MARF1: variants seen among roughly 807,000 people sequenced by gnomAD.
MARF1 encodes the protein limkain-b1.
Under a neutral mutation model 168.2 loss-of-function variants are expected in MARF1, and 24 were observed. The observed-to-expected ratio is 0.14, with a 90% confidence interval of 0.10 to 0.20. The LOEUF is 0.20. Among genes scored for constraint, MARF1 ranks in the 10% least tolerant of loss-of-function variants. The pLI is 1.00. For missense variants in MARF1, 1,744 were observed against 2,143.6 expected, an observed-to-expected ratio of 0.81 and a Z score of 3.68; for synonymous variants, 868 against 822.4, an observed-to-expected ratio of 1.06 and a Z score of -0.95.
intron 26 of MARF1, 140 bp downstream of exon 26, chr16:15,598,714 A>G: frequency 1.2e-6 from 1 of 846,260 alleles, no homozygotes; most frequent in South Asian, 1.7e-5. Context: ...TGGGGAAAGA[A>G]GGTCGAATAA....
rs1352038749 is a variant in MARF1 at position 15,609,827 on chromosome 16, T to A, written c.3752-102A>T. 10 of 954,398 alleles carry A rather than the reference T, an allele frequency of 1.0e-5. No individual in the cohort carries two copies. The African/African-American group carries it at 1.3e-4, about 13-fold the overall frequency. The allele number at this position is 954,398 out of a possible 1,614,324, so 59.1% of individuals were successfully genotyped here. ...TCCTTTTGGGAATTTATAAACGATA[T>A]CATCCTTGCCTTCCAAACACACACA... On this transcript the variant is annotated intron_variant, in intron 19 of 26. Transcript: ENST00000396368.
rs2035456366 is a variant in MARF1, at chr16:15,634,506, T to C, written c.1006+251A>G. 3.9e-5 allele frequency among the ~76,000 whole-genome samples: 6 copies of C among 152,270 alleles called. No individual in the cohort carries two copies. The South Asian group carries it at 1.2e-3, about 32-fold the overall frequency. On this transcript the variant is annotated intron_variant, in intron 4 of 26. Transcript: ENST00000396368. ...TGACACCAAGTCTTTTCCAGCACTT[T>C]TATTTCTCCTGATATACTACCAATT...
intron 13 of MARF1, among the ~76,000 whole-genome samples, chr16:15,619,836 T>G (rs889036263): frequency 2.6e-5 from 4 of 152,146 alleles, no homozygotes; most frequent in Non-Finnish European, 4.4e-5. Context: ...TCCTGGAGCT[T>G]ATAGTCTAGT....
chr16:15,631,593 ATACTT>A (rs2035259611), intron 5 of MARF1, 95 bp from the exon 6 acceptor site: 5 of 768,618 alleles, frequency 6.5e-6, no homozygotes, highest in South Asian at 5.4e-5. Flanking sequence ...AAATTTTATT[ATACTT>A]TAAGTTCTGG....
rs2031503819 is a variant in MARF1 at position 15,594,601 on chromosome 16, T to C, written c.*2092A>G. ...AAACAGATAAATTTAATCCGGTATATCTTTCCACCCAGAAATAAAGAATTA... is the reference window on the plus strand; with the variant it reads ...AAACAGATAAATTTAATCCGGTATACCTTTCCACCCAGAAATAAAGAATTA... On this transcript the variant is annotated 3_prime_UTR_variant, in exon 27 of 27. Coordinates refer to ENST00000396368, the MANE Select transcript of MARF1 (RefSeq NM_014647.4). 1 of 152,628 alleles carries C rather than the reference T, an allele frequency of 6.6e-6. No individual in the cohort carries two copies. Among genetic ancestry groups the C allele is most frequent in the Non-Finnish European group, 1.5e-5 (1 of 68,040 alleles). The allele number at this position is 152,628 out of a possible 1,614,324, so 9.5% of individuals were successfully genotyped here. A position where few individuals can be genotyped will look rare whatever the true frequency, so the allele number is the denominator to read the frequency against.
chr16:15,599,103 G>A, intron 25 of MARF1, 79 bp from the exon 26 acceptor site: 1 of 1,006,602 alleles, frequency 9.9e-7, no homozygotes, highest in Non-Finnish European at 1.4e-6. Flanking sequence ...CACACCTGAA[G>A]TTTTCCTTCT....
chr16:15,624,225 T>C (rs1382564522), intron 10 of MARF1, among the ~76,000 whole-genome samples: 2 of 152,182 alleles, frequency 1.3e-5, no homozygotes, highest in African/African-American at 4.8e-5. Flanking sequence ...GGCTGATCCA[T>C]AGTCACTTTC....
At chr16:15,597,163 G>A (rs949763864) in intron 26 of MARF1, among the ~76,000 whole-genome samples, 2 of 152,164 alleles carry the variant, frequency 1.3e-5, no homozygotes, top group South Asian at 2.1e-4. Flanking sequence ...TACAAAGTTG[G>A]AAAGATCTCT....
chr16:15,616,112 T>A, intron 15 of MARF1, 107 bp from the exon 16 acceptor site: 1 of 907,782 alleles, frequency 1.1e-6, no homozygotes, highest in Non-Finnish European at 1.5e-6. Context: ...GTTAATCATT[T>A]GTCTGAATGC....
chr16:15,610,638 A>G (rs942606455), intron 19 of MARF1: 7 of 214,560 alleles, frequency 3.3e-5, no homozygotes, highest in African/African-American at 1.6e-4. Flanking sequence ...GTTCAACAGA[A>G]GAGCAAAGCC....
At position 15,617,397 on chromosome 16, in the gene MARF1, T is replaced by G. The variant is rs1272957088; in HGVS notation, c.2859A>C (p.Ser953=). The G allele has an allele frequency of 6.2e-7, 1 of 1,614,128 alleles. No homozygotes were observed. Among genetic ancestry groups the G allele is most frequent in the East Asian group, 2.2e-5 (1 of 44,868 alleles). Residue 953 remains serine, a synonymous_variant, in exon 14 of 27, where the codon TCA becomes TCC. Transcript: ENST00000396368. ...ARQSPLGSSQ[S]HDGSSTNCSP... ...TGCAATTCGTGGAGGAGCCGTCGTGTGACTGGGAAGACCCCAAGGGGCTCT... is the reference window on the plus strand; with the variant it reads ...TGCAATTCGTGGAGGAGCCGTCGTGGGACTGGGAAGACCCCAAGGGGCTCT...
At chr16:15,621,334 CT>C (rs1273143831) in intron 12 of MARF1, among the ~76,000 whole-genome samples, 3 of 152,190 alleles carry the variant, frequency 2.0e-5, no homozygotes, top group Non-Finnish European at 4.4e-5. Context: ...CTATTTGACA[CT>C]AAGGATATAT....
intron 26 of MARF1, among the ~76,000 whole-genome samples, chr16:15,597,328 G>A (rs1426406260): frequency 6.6e-6 from 1 of 152,232 alleles, no homozygotes; most frequent in Non-Finnish European, 1.5e-5. Flanking sequence ...GGTGGTAGGG[G>A]GTGGGGTCGG....
intron 2 of MARF1, among the ~76,000 whole-genome samples, chr16:15,636,559 A>G (rs1467922964): frequency 6.6e-6 from 1 of 152,200 alleles, no homozygotes; most frequent in Non-Finnish European, 1.5e-5. Flanking sequence ...TAAAATTAAG[A>G]CTACATTCTT....
chr16:15,633,375 C>T (rs2035375922), intron 5 of MARF1, among the ~76,000 whole-genome samples: 1 of 151,864 alleles, frequency 6.6e-6, no homozygotes, highest in South Asian at 2.1e-4. Context: ...AGGGAGACCT[C>T]GTCTCTACAA....
At chr16:15,636,628 C>G (rs960623141) in intron 2 of MARF1, among the ~76,000 whole-genome samples, 9 of 152,150 alleles carry the variant, frequency 5.9e-5, no homozygotes, top group African/African-American at 2.2e-4. Context: ...AGCCACCATG[C>G]CTCAGTAACT....
intron 3 of MARF1, 147 bp downstream of exon 3, chr16:15,635,509 C>A: frequency 1.4e-6 from 1 of 700,264 alleles, no homozygotes. Context: ...CTTTCAGAAC[C>A]AGCAAAAATT....
At position 15,625,794 on chromosome 16, in the gene MARF1, G is replaced by T; in HGVS notation, c.1531C>A (p.His511Asn). 1 of 1,611,850 alleles carries T rather than the reference G, an allele frequency of 6.2e-7. No homozygotes were observed. Among genetic ancestry groups the T allele is most frequent in the Non-Finnish European group, 8.5e-7 (1 of 1,178,678 alleles). The change falls in exon 8 of 27, where the codon CAC becomes AAC. Residue 511 changes from histidine (H) to asparagine (N), a missense_variant. Transcript: ENST00000396368. ...PRLPLKMPQCHTLLYVYNLPA... is the reference protein window; with the variant it reads ...PRLPLKMPQCNTLLYVYNLPA... ...AGGTTATAAACATAGAGCAGAGTGT[G>T]GCACTGCTAATACAGAGGAAAGAAG...
Position 15,601,977 on chromosome 16 carries a change from A to G in MARF1, c.4626+14T>C, listed in dbSNP as rs758408912. 1 of 1,611,912 alleles carries G rather than the reference A, an allele frequency of 6.2e-7. No homozygotes were observed. The highest frequency in any genetic ancestry group is 8.5e-7 in the Non-Finnish European group (1 of 1,178,004). On this transcript the variant is annotated intron_variant, in intron 23 of 26. Coordinates refer to ENST00000396368, the MANE Select transcript of MARF1 (RefSeq NM_014647.4). ...TCAGAAGATGCTCTCCCGGAAGCTG[A>G]GAAAAATGCCCACCTGTGGAATTGC...
Sources: gnomAD v4.1 joint callset for allele counts (sites outside exome capture counted in the v4.1 genomes callset) on GRCh38, gnomAD v4.1.1 for gene constraint, MANE v1.5 for transcripts, NCBI Gene and HGNC (gene_info 2026-07-23, HGNC 2026-07-21) for gene names.